Variants in CFAP92 observed in about 807,000 individuals in gnomAD.
The protein encoded by CFAP92 is cilia and flagella associated protein 92 (putative), also known as uncharacterized protein CFAP92.
A neutral mutation model predicts 106.3 loss-of-function variants in CFAP92; 86 were observed. That is an observed-to-expected ratio of 0.81 (90% CI 0.68 to 0.97). The LOEUF (loss-of-function observed/expected upper bound fraction) is 0.97. Ranked by LOEUF, CFAP92 falls within the 50% of genes least tolerant of loss-of-function variation. CFAP92 has a pLI of 0.00. For synonymous variants in CFAP92, 477 were observed against 506.4 expected (o/e 0.94, Z 0.78); for missense variants, 1,204 against 1,283.8 (o/e 0.94, Z 0.95).
rs766565123 is a variant in CFAP92, at chr3:128,993,175, G to A, written c.130C>T (p.Gln44Ter). The A allele has an allele frequency of 3.5e-5, 57 of 1,613,950 alleles. No individual in the cohort carries two copies. The highest frequency in any genetic ancestry group is 5.0e-5 in the Admixed American group (3 of 60,016). ...EEHLKAKARA[Q>*]ESDSDRPCSS... is the part of the protein sequence containing the mutation. ...CACGGGCGGTCAGAGTCAGACTCCT[G>A]GGCCCTGGCCTTGGCCTTCAGGTGT... The change falls in exon 2 of 16, where the codon CAG becomes TAG. Residue 44 changes from glutamine to a stop codon, truncating the protein, a stop_gained. Coordinates refer to ENST00000645291, the MANE Select transcript of CFAP92 (RefSeq NM_001394090.1). LOFTEE classifies it high-confidence loss of function.
At chr3:128,981,658 C>T (rs1943545598) in intron 4 of CFAP92, among the ~76,000 whole-genome samples, 1 of 152,288 alleles carries the variant, frequency 6.6e-6, no homozygotes, top group Middle Eastern at 3.4e-3. Context: ...TTTACTTGGC[C>T]CATATCAATC....
chr3:128,988,637 G>A, intron 3 of CFAP92, 91 bp downstream of exon 3: 1 of 1,305,940 alleles, frequency 7.7e-7, no homozygotes, highest in East Asian at 2.3e-5. Context: ...GCAAGCTGGA[G>A]GTGGAGCTGA....
At chr3:129,003,376 C>T, upstream of CFAP92, 1 of 780,240 alleles carries the variant, frequency 1.3e-6, no homozygotes, top group African/African-American at 1.9e-5. Context: ...CCCTCAAAAG[C>T]CTCTAGTGAG....
chr3:129,002,224 G>C (rs1419737790), intron 1 of CFAP92: 2 of 1,528,862 alleles, frequency 1.3e-6, no homozygotes, highest in Non-Finnish European at 1.7e-6. Context: ...GACTGTGAGC[G>C]CGTTGCGCGG....
intron 4 of CFAP92, among the ~76,000 whole-genome samples, chr3:128,984,757 G>A (rs1943747143): frequency 6.6e-6 from 1 of 152,172 alleles, no homozygotes; most frequent in African/African-American, 2.4e-5. Flanking sequence ...CACTGAGTCA[G>A]ATTAGGATGT....
At chr3:128,938,472 T>A (rs1939281234) in intron 10 of CFAP92, among the ~76,000 whole-genome samples, 1 of 148,530 alleles carries the variant, frequency 6.7e-6, no homozygotes. Flanking sequence ...ACAAGGCAAG[T>A]GTGTGTGCCT....
intron 9 of CFAP92, among the ~76,000 whole-genome samples, chr3:128,953,191 T>C (rs1432970514): frequency 6.6e-6 from 1 of 151,840 alleles, no homozygotes; most frequent in Non-Finnish European, 1.5e-5. Flanking sequence ...AAAGAATCTG[T>C]AAACCTGAAG....
chr3:128,929,425 T>C (rs1388809128), intron 12 of CFAP92, among the ~76,000 whole-genome samples: 1 of 152,176 alleles, frequency 6.6e-6, no homozygotes, highest in Non-Finnish European at 1.5e-5. Flanking sequence ...ACTCCTAGGT[T>C]CTACCCAAGA....
At chr3:128,955,678 C>T (rs1576508831) in intron 9 of CFAP92, among the ~76,000 whole-genome samples, 2 of 40,952 alleles carry the variant, frequency 4.9e-5, no homozygotes, top group Non-Finnish European at 6.9e-5. Context: ...GAGGTGTGCC[C>T]AACAGCTCAT....
At chr3:128,991,702 G>A (rs563216694) in intron 2 of CFAP92, 22 of 945,446 alleles carry the variant, frequency 2.3e-5, no homozygotes, top group Admixed American at 1.2e-4. Flanking sequence ...GCACCAAGGC[G>A]TTCATTGAAA....
intron 9 of CFAP92, among the ~76,000 whole-genome samples, chr3:128,959,826 C>CT (rs1231685965): frequency 2.6e-5 from 4 of 152,204 alleles, no homozygotes; most frequent in Non-Finnish European, 4.4e-5. Flanking sequence ...ACTGTCAGGC[C>CT]TCTGAGCCCA....
In CFAP92 at chr3:128,935,348, CT is replaced by C. The variant is rs749444216; in HGVS notation, c.2259-30del. ...CAAGAGACAGAAGGCCAAGAGCTAACTTGCATGGCAGCTTCCTGGGACACCG... is the reference window on the plus strand; with the variant it reads ...CAAGAGACAGAAGGCCAAGAGCTAACTGCATGGCAGCTTCCTGGGACACCG... On this transcript the variant is annotated intron_variant, in intron 10 of 15. Coordinates refer to ENST00000645291, the MANE Select transcript of CFAP92 (RefSeq NM_001394090.1). The C allele has an allele frequency of 1.1e-5, 16 of 1,443,260 alleles. No homozygotes were observed. The African/African-American group carries it at 2.1e-4, about 19-fold the overall frequency. 89.4% of individuals were successfully genotyped at this position (1,443,260 alleles called of 1,614,324 possible).
the CFAP92 span, among the ~76,000 whole-genome samples, chr3:129,021,395 C>G: frequency 1.3e-5 from 2 of 152,180 alleles, no homozygotes; most frequent in Non-Finnish European, 2.9e-5. Context: ...AGAGGCACAT[C>G]AAAGACAGTG....
intron 3 of CFAP92, among the ~76,000 whole-genome samples, chr3:128,988,324 T>C (rs1943989845): frequency 6.6e-6 from 1 of 152,070 alleles, no homozygotes; most frequent in African/African-American, 2.4e-5. Flanking sequence ...GAGGATGACT[T>C]GAGGTCAGGA....
intron 8 of CFAP92, 55 bp downstream of exon 8, chr3:128,971,232 C>T (rs1325907900): frequency 7.4e-6 from 12 of 1,611,832 alleles, no homozygotes; most frequent in Admixed American, 3.3e-5. Flanking sequence ...CGCTTATGGC[C>T]GTTCTGGCCA....
the CFAP92 span, among the ~76,000 whole-genome samples, chr3:129,013,895 G>T: frequency 6.6e-6 from 1 of 152,206 alleles, no homozygotes; most frequent in Non-Finnish European, 1.5e-5. Context: ...CAGAGGACCT[G>T]GCCAAGGAAG....
intron 12 of CFAP92, among the ~76,000 whole-genome samples, chr3:128,930,697 G>T (rs1448813472): frequency 6.6e-6 from 1 of 152,012 alleles, no homozygotes; most frequent in East Asian, 2.0e-4. Flanking sequence ...ACCGCAGTGA[G>T]CCGAGATCAC....
chr3:128,988,671 C>T, intron 3 of CFAP92, 57 bp downstream of exon 3: 2 of 1,557,026 alleles, frequency 1.3e-6, no homozygotes, highest in East Asian at 2.3e-5. Flanking sequence ...TGGAGCAGCA[C>T]ACTTTTCGTG....
intron 9 of CFAP92, among the ~76,000 whole-genome samples, chr3:128,960,373 A>G (rs1941799846): frequency 2.6e-5 from 4 of 152,202 alleles, no homozygotes; most frequent in Admixed American, 2.6e-4. Context: ...GACCAGCCCA[A>G]GAAACATCTC....
Sources: gnomAD v4.1 joint callset for allele counts (sites outside exome capture counted in the v4.1 genomes callset) on GRCh38, gnomAD v4.1.1 for gene constraint, MANE v1.5 for transcripts, NCBI Gene and HGNC (gene_info 2026-07-23, HGNC 2026-07-21) for gene names.